EPC2: variants seen among roughly 807,000 people sequenced by gnomAD.
EPC2 encodes the protein enhancer of polycomb 2, also known as enhancer of polycomb homolog 2.
Under a neutral mutation model 92.1 loss-of-function variants are expected in EPC2, and 14 were observed. That is an observed-to-expected ratio of 0.15 (90% CI 0.10 to 0.24). The LOEUF (loss-of-function observed/expected upper bound fraction) is 0.24, where lower values mean the gene tolerates loss of function less well. Ranked by LOEUF, EPC2 falls within the 10% of genes least tolerant of loss-of-function variation. EPC2 has a pLI of 1.00. For missense variants in EPC2, 755 were observed against 971.5 expected (o/e 0.78, Z 2.96); for synonymous variants, 340 against 334.7 (o/e 1.02, Z -0.17).
At chr2:148,734,494 TA>T (rs1682711686) in intron 2 of EPC2, among the ~76,000 whole-genome samples, 1 of 152,136 alleles carries the variant, frequency 6.6e-6, no homozygotes, top group Admixed American at 6.5e-5. Flanking sequence ...AAAAGACCTA[TA>T]AAATTCTATA....
intron 8 of EPC2, among the ~76,000 whole-genome samples, chr2:148,769,486 T>G (rs899850184): frequency 2.6e-5 from 4 of 152,206 alleles, no homozygotes; most frequent in Admixed American, 2.0e-4. Context: ...TGGGCTCTAA[T>G]TATAGCTTCA....
chr2:148,748,484 T>A (rs35740177), intron 3 of EPC2, among the ~76,000 whole-genome samples: 21,194 of 152,058 alleles, frequency 0.14, 2,429 homozygotes, highest in East Asian at 0.46. Context: ...CATCACTAAA[T>A]CAAACCAGTT....
At chr2:148,661,629 A>C (rs1680936537) in intron 1 of EPC2, among the ~76,000 whole-genome samples, 1 of 152,162 alleles carries the variant, frequency 6.6e-6, no homozygotes, top group South Asian at 2.1e-4. Flanking sequence ...CGATGTACAT[A>C]ATTTTGTATT....
At chr2:148,675,530 A>G (rs1681246064) in intron 1 of EPC2, among the ~76,000 whole-genome samples, 2 of 152,050 alleles carry the variant, frequency 1.3e-5, no homozygotes, top group Non-Finnish European at 2.9e-5. Context: ...TCTTAGTTTA[A>G]TGGTACCCTC....
chr2:148,742,369 C>A (rs988171454), intron 2 of EPC2, among the ~76,000 whole-genome samples: 1 of 152,132 alleles, frequency 6.6e-6, no homozygotes, highest in Admixed American at 6.5e-5. Flanking sequence ...AGTTTTAGAT[C>A]TTTGCTGAGT....
intron 1 of EPC2, among the ~76,000 whole-genome samples, chr2:148,662,375 T>C (rs559823365): frequency 6.8e-4 from 104 of 152,326 alleles, no homozygotes; most frequent in African/African-American, 2.5e-3. Flanking sequence ...GATGTATGTT[T>C]ATTGCGGCAC....
intron 3 of EPC2, among the ~76,000 whole-genome samples, chr2:148,748,759 C>T (rs191810588): frequency 1.0e-3 from 159 of 152,110 alleles, no homozygotes; most frequent in Non-Finnish European, 2.1e-3. Flanking sequence ...TGATTGTGAT[C>T]TGTCAAATAA....
chr2:148,711,291 A>G (rs1682139172), intron 2 of EPC2, among the ~76,000 whole-genome samples: 2 of 152,108 alleles, frequency 1.3e-5, no homozygotes, highest in South Asian at 2.1e-4. Flanking sequence ...TTCAGTTTAG[A>G]GTATTTAAAA....
At chr2:148,710,565 C>T (rs1197463569) in intron 2 of EPC2, among the ~76,000 whole-genome samples, 1 of 152,196 alleles carries the variant, frequency 6.6e-6, no homozygotes, top group Admixed American at 6.5e-5. Context: ...TTTATTGTGG[C>T]ACTTTTCACA....
At position 148,786,454 on chromosome 2, in the gene EPC2, C is replaced by G; in HGVS notation, c.*77C>G. On this transcript the variant is annotated 3_prime_UTR_variant, in exon 14 of 14. Transcript: ENST00000258484. ...CCAGCTGAATGCAAAAGGCAACACT[C>G]TGTGGATCACAGAGTGTAACAATGG... 1 of 1,147,866 alleles carries G rather than the reference C, an allele frequency of 8.7e-7. No homozygotes were observed. Among genetic ancestry groups the G allele is most frequent in the Non-Finnish European group, 1.3e-6 (1 of 778,162 alleles). 71.1% of individuals were successfully genotyped at this position (1,147,866 alleles called of 1,614,324 possible).
intron 2 of EPC2, among the ~76,000 whole-genome samples, chr2:148,720,281 C>G (rs139235653): frequency 1.1e-3 from 165 of 152,318 alleles, no homozygotes; most frequent in Non-Finnish European, 2.0e-3. Context: ...TTTGGACTCT[C>G]CAGGGTCTGC....
At chr2:148,682,134 G>A (rs1681411661) in intron 1 of EPC2, among the ~76,000 whole-genome samples, 1 of 152,178 alleles carries the variant, frequency 6.6e-6, no homozygotes, top group African/African-American at 2.4e-5. Context: ...ATGGACATTT[G>A]GGTTGGTTCC....
At chr2:148,699,035 G>T (rs1681820318) in intron 2 of EPC2, among the ~76,000 whole-genome samples, 1 of 152,008 alleles carries the variant, frequency 6.6e-6, no homozygotes. Context: ...GGCCAGTAAT[G>T]AAGGTTTTTG....
At chr2:148,736,327 AT>A (rs1682752542) in intron 2 of EPC2, among the ~76,000 whole-genome samples, 1 of 152,154 alleles carries the variant, frequency 6.6e-6, no homozygotes, top group South Asian at 2.1e-4. Flanking sequence ...GTAGGAACCT[AT>A]TCAGGTTTGC....
At chr2:148,764,300 C>T (rs1199897267) in intron 6 of EPC2, among the ~76,000 whole-genome samples, 2 of 152,074 alleles carry the variant, frequency 1.3e-5, no homozygotes, top group Non-Finnish European at 2.9e-5. Context: ...AAAAGGAATG[C>T]CAGTATGTTA....
At chr2:148,715,480 A>G (rs965096164) in intron 2 of EPC2, among the ~76,000 whole-genome samples, 28 of 152,128 alleles carry the variant, frequency 1.8e-4, no homozygotes, top group Non-Finnish European at 7.4e-5. Context: ...TTAAATAGGG[A>G]ATTCTTTCCC....
chr2:148,645,188 T>C lies in EPC2; in HGVS notation c.153+18T>C, dbSNP rs753207816. 14 of 1,581,512 alleles carry C rather than the reference T, an allele frequency of 8.9e-6. No individual in the cohort carries two copies. Among genetic ancestry groups the C allele is most frequent in the Non-Finnish European group, 1.2e-5 (14 of 1,163,100 alleles). ...AGGAATCGGTAGGGACTCGAGTGTT[T>C]ATTACCCCCCCTTCCCTCCTCCCCC... On this transcript the variant is annotated intron_variant, in intron 1 of 13. Coordinates refer to ENST00000258484, the MANE Select transcript of EPC2 (RefSeq NM_015630.4).
chr2:148,710,553 T>C lies in EPC2; in HGVS notation c.313+20180T>C, dbSNP rs144592355. Among the ~76,000 whole-genome samples, 5 of 152,358 alleles carry C rather than the reference T, an allele frequency of 3.3e-5. No homozygotes were observed. In the East Asian group the frequency reaches 9.6e-4, roughly 29 times the overall value. ...TACTATAAAGACACATGCATACGTATGTTTATTGTGGCACTTTTCACAGTA... is the reference window on the plus strand; with the variant it reads ...TACTATAAAGACACATGCATACGTACGTTTATTGTGGCACTTTTCACAGTA... On this transcript the variant is annotated intron_variant, in intron 2 of 13. Coordinates refer to ENST00000258484, the MANE Select transcript of EPC2 (RefSeq NM_015630.4).
intron 13 of EPC2, 133 bp downstream of exon 13, chr2:148,785,134 C>G: frequency 1.4e-6 from 1 of 693,738 alleles, no homozygotes; most frequent in Non-Finnish European, 2.2e-6. Flanking sequence ...TACTGAAGAT[C>G]TGTATAAAGC....
Sources: gnomAD v4.1 joint callset for allele counts (sites outside exome capture counted in the v4.1 genomes callset) on GRCh38, gnomAD v4.1.1 for gene constraint, MANE v1.5 for transcripts, NCBI Gene and HGNC (gene_info 2026-07-23, HGNC 2026-07-21) for gene names.